Variants in ADGB observed in about 807,000 individuals in gnomAD.
ADGB encodes the protein androglobin, also known as calpain-7-like protein.
A neutral mutation model predicts 210.5 loss-of-function variants in ADGB; 172 were observed. That is an observed-to-expected ratio of 0.82 (90% confidence interval 0.72 to 0.93). The LOEUF (loss-of-function observed/expected upper bound fraction) is 0.93. ADGB is among the 40% of genes least tolerant of loss of function. The pLI is 0.00. For missense variants in ADGB, 2,025 were observed against 1,964.8 expected, an observed-to-expected ratio of 1.03 and a Z score of -0.58; for synonymous variants, 658 against 662.7, an observed-to-expected ratio of 0.99 and a Z score of 0.11.
intron 9 of ADGB, among the ~76,000 whole-genome samples, chr6:146,682,771 A>T (rs1441751436): frequency 2.0e-5 from 3 of 152,192 alleles, no homozygotes; most frequent in Non-Finnish European, 4.4e-5. Context: ...ATAATAGAAC[A>T]AATAGGAATT....
intron 2 of ADGB, among the ~76,000 whole-genome samples, chr6:146,636,020 G>A (rs1337095999): frequency 4.6e-5 from 7 of 151,960 alleles, no homozygotes; most frequent in Non-Finnish European, 7.4e-5. Context: ...ACTGCTCTTC[G>A]TTTACTTTTT....
Position 146,721,000 on chromosome 6 carries a change from T to C in ADGB, c.1993-403T>C, listed in dbSNP as rs182347683. On this transcript the variant is annotated intron_variant, in intron 16 of 35. Coordinates refer to ENST00000397944, the MANE Select transcript of ADGB (RefSeq NM_024694.4). ...CCACCCTGTAAAATAAGACATCCAA[T>C]TGGCCATTCCCATTCTCTGCCAAAG... 1.4e-4 allele frequency among the ~76,000 whole-genome samples: 21 copies of C among 152,334 alleles called. 1 individual carries two copies. Among genetic ancestry groups the C allele is most frequent in the Admixed American group, 1.4e-3 (21 of 15,302 alleles).
chr6:146,722,821 C>A (rs906709654), intron 17 of ADGB, among the ~76,000 whole-genome samples: 2 of 152,100 alleles, frequency 1.3e-5, no homozygotes, highest in Non-Finnish European at 2.9e-5. Context: ...ATCTAGGCCA[C>A]CTTCCTTCTG....
intron 28 of ADGB, among the ~76,000 whole-genome samples, chr6:146,768,602 T>C (rs1379767516): frequency 1.3e-5 from 2 of 152,150 alleles, no homozygotes; most frequent in Admixed American, 1.3e-4. Context: ...GAACATTTAA[T>C]TGTAAAATTT....
chr6:146,621,522 T>A (rs1366474879), intron 1 of ADGB, among the ~76,000 whole-genome samples: 15 of 152,098 alleles, frequency 9.9e-5, no homozygotes, highest in Non-Finnish European at 2.1e-4. Flanking sequence ...TCTAGAGAAA[T>A]CCTCTTGAGT....
chr6:146,717,110 G>A (rs557072380), intron 15 of ADGB, 41 bp downstream of exon 15: 1 of 1,471,058 alleles, frequency 6.8e-7, no homozygotes, highest in Non-Finnish European at 9.2e-7. Context: ...TGTCGTAGTG[G>A]TTAAACCCTG....
intron 32 of ADGB, among the ~76,000 whole-genome samples, chr6:146,786,212 T>A (rs567849151): frequency 3.4e-4 from 51 of 148,190 alleles, no homozygotes; most frequent in Middle Eastern, 3.6e-3. Context: ...TATTTAAGTA[T>A]ATATTATAAT....
chr6:146,658,501 A>G (rs1334480759), intron 5 of ADGB, among the ~76,000 whole-genome samples: 3 of 152,128 alleles, frequency 2.0e-5, no homozygotes, highest in Non-Finnish European at 4.4e-5. Context: ...TTGAGGTGGG[A>G]GGAAGGTCAA....
intron 10 of ADGB, among the ~76,000 whole-genome samples, chr6:146,690,760 A>G (rs1349319530): frequency 6.6e-6 from 1 of 152,214 alleles, no homozygotes; most frequent in African/African-American, 2.4e-5. Flanking sequence ...TTTAATTTAC[A>G]TATTAAGCAC....
chr6:146,800,407 G>C (rs1336145876), intron 33 of ADGB, among the ~76,000 whole-genome samples: 2 of 152,140 alleles, frequency 1.3e-5, no homozygotes, highest in Non-Finnish European at 2.9e-5. Flanking sequence ...ATCTTATTTG[G>C]ATGATGAAAA....
chr6:146,780,845 G>A (rs1777788221), intron 29 of ADGB, among the ~76,000 whole-genome samples: 1 of 152,046 alleles, frequency 6.6e-6, no homozygotes, highest in Non-Finnish European at 1.5e-5. Flanking sequence ...AAACCAACTT[G>A]ACCTAACATA....
chr6:146,729,687 T>G (rs889282585), intron 20 of ADGB, among the ~76,000 whole-genome samples: 2 of 152,168 alleles, frequency 1.3e-5, no homozygotes, highest in Non-Finnish European at 1.5e-5. Flanking sequence ...CAAGCAATCC[T>G]CCTGGCTTAG....
intron 14 of ADGB, among the ~76,000 whole-genome samples, chr6:146,716,474 T>C (rs1268725402): frequency 7.0e-6 from 1 of 141,944 alleles, no homozygotes; most frequent in African/African-American, 3.1e-5. Context: ...GCGCCTGTAG[T>C]CCCAGCTACT....
chr6:146,770,084 C>T (rs1231129211), intron 29 of ADGB, among the ~76,000 whole-genome samples: 2 of 152,046 alleles, frequency 1.3e-5, no homozygotes, highest in African/African-American at 4.8e-5. Context: ...TTGCATTATC[C>T]CTAGTTAGAT....
intron 1 of ADGB, among the ~76,000 whole-genome samples, chr6:146,612,242 A>G (rs2114830940): frequency 6.6e-6 from 1 of 152,136 alleles, no homozygotes; most frequent in African/African-American, 2.4e-5. Context: ...TTTGATTGAA[A>G]CAATTATTCT....
At chr6:146,775,048 A>G (rs1359678996) in intron 29 of ADGB, among the ~76,000 whole-genome samples, 1 of 152,150 alleles carries the variant, frequency 6.6e-6, no homozygotes, top group Non-Finnish European at 1.5e-5. Context: ...TGCTGGGATT[A>G]CAGGCATGAG....
chr6:146,805,937 A>T (rs572617035), intron 35 of ADGB, among the ~76,000 whole-genome samples: 1 of 152,368 alleles, frequency 6.6e-6, no homozygotes, highest in Non-Finnish European at 1.5e-5. Context: ...CTGCTACAAT[A>T]AAGACTATAT....
Position 146,784,525 on chromosome 6 carries a change from T to C in ADGB, c.4036-93T>C, listed in dbSNP as rs1168045856. ...TATGTTTTCATTTATCTCTAGTAAA[T>C]ACCTAATAGTGAAATTATGTATCAT... is the stretch of plus-strand genomic sequence containing the variant. On this transcript the variant is annotated intron_variant, in intron 30 of 35. Transcript: ENST00000397944. The C allele has an allele frequency of 5.5e-5, 55 of 992,024 alleles. 1 individual carries two copies. The allele number at this position is 992,024 out of a possible 1,614,324, so 61.5% of individuals were successfully genotyped here.
At chr6:146,711,076 T>G (rs2114557483) in intron 13 of ADGB, among the ~76,000 whole-genome samples, 1 of 152,038 alleles carries the variant, frequency 6.6e-6, no homozygotes, top group South Asian at 2.1e-4. Flanking sequence ...CTGAACTCAC[T>G]TACTATCCCA....
Sources: allele counts gnomAD v4.1 joint callset (sites outside exome capture counted in the v4.1 genomes callset), GRCh38; gene constraint gnomAD v4.1.1; transcripts MANE v1.5; gene names NCBI Gene and HGNC (gene_info 2026-07-23, HGNC 2026-07-21).